Variants in CECR2 observed in about 807,000 individuals in gnomAD.
CECR2 encodes chromatin remodeling regulator CECR2.
CECR2 carries 30 observed loss-of-function variants against 154.5 expected under a neutral mutation model. The observed-to-expected ratio is 0.19, with a 90% confidence interval of 0.15 to 0.26. CECR2 has a LOEUF of 0.26. Among genes scored for constraint, CECR2 ranks in the 10% least tolerant of loss-of-function variants. The pLI is 1.00. For synonymous variants in CECR2, 725 were observed against 683.7 expected (o/e 1.06, Z -0.94); for missense variants, 1,743 against 1,829.3 (o/e 0.95, Z 0.86).
intron 2 of CECR2, among the ~76,000 whole-genome samples, chr22:17,481,308 A>G (rs1234132924): frequency 7.2e-6 from 1 of 139,346 alleles, no homozygotes; most frequent in Admixed American, 7.9e-5. Flanking sequence ...GTGTCATTGC[A>G]CTCCAGCCTG....
chr22:17,423,213 G>A (rs1342794770), intron 1 of CECR2, among the ~76,000 whole-genome samples: 1 of 152,084 alleles, frequency 6.6e-6, no homozygotes, highest in Admixed American at 6.6e-5. Context: ...ACCTGCCTCT[G>A]GATGGCGAAC....
At chr22:17,476,385 C>T (rs563702783) in intron 1 of CECR2, among the ~76,000 whole-genome samples, 3 of 152,054 alleles carry the variant, frequency 2.0e-5, no homozygotes, top group African/African-American at 7.2e-5. Flanking sequence ...GTGTCTCAGC[C>T]TTAGTAGCTG....
At position 17,558,039 on chromosome 22, in the gene CECR2, T is replaced by C. The variant is rs755333608; in HGVS notation, c.*5199T>C. 1.3e-5 allele frequency: 2 copies of C among 152,282 alleles called. No individual in the cohort carries two copies. The highest frequency in any genetic ancestry group is 4.8e-5 in the African/African-American group (2 of 41,480). 9.4% of individuals were successfully genotyped at this position (152,282 alleles called of 1,614,324 possible). A position where few individuals can be genotyped will look rare whatever the true frequency, so the allele number is the denominator to read the frequency against. The stretch of plus-strand genomic sequence containing the variant: ...TCAATAGTTAGTTCAATATTGTGTG[T>C]TGGATAATTTTTTAAAAGAACTTTT... On this transcript the variant is annotated 3_prime_UTR_variant, in exon 19 of 19. Transcript: ENST00000262608.
chr22:17,423,755 A>G (rs1170119541), intron 1 of CECR2, among the ~76,000 whole-genome samples: 1 of 152,100 alleles, frequency 6.6e-6, no homozygotes, highest in Non-Finnish European at 1.5e-5. Flanking sequence ...TTCTCTGGTC[A>G]GTTGTGATGC....
intron 1 of CECR2, among the ~76,000 whole-genome samples, chr22:17,378,145 G>A (rs1050942797): frequency 6.6e-6 from 1 of 151,126 alleles, no homozygotes; most frequent in African/African-American, 2.4e-5. Flanking sequence ...CACCACGCCC[G>A]GCTAATTTTT....
At chr22:17,372,073 T>C (rs2063068043) in intron 1 of CECR2, among the ~76,000 whole-genome samples, 2 of 152,216 alleles carry the variant, frequency 1.3e-5, no homozygotes, top group Admixed American at 6.5e-5. Flanking sequence ...TTGACTCCAG[T>C]GTTTCTTGGA....
chr22:17,454,055 T>G (rs1171283452), intron 1 of CECR2, among the ~76,000 whole-genome samples: 1 of 152,232 alleles, frequency 6.6e-6, no homozygotes, highest in Non-Finnish European at 1.5e-5. Context: ...AGTGCACCTC[T>G]GTCTTTTTTT....
intron 7 of CECR2, among the ~76,000 whole-genome samples, chr22:17,505,835 CTT>C (rs3994825): frequency 1.1e-4 from 9 of 84,550 alleles, no homozygotes; most frequent in Admixed American, 7.8e-4. Context: ...CTGCACCCGG[CTT>C]TTTTTTTTTT....
At chr22:17,496,716 G>A (rs777375063) in intron 2 of CECR2, among the ~76,000 whole-genome samples, 5 of 152,096 alleles carry the variant, frequency 3.3e-5, no homozygotes, top group Non-Finnish European at 7.4e-5. Context: ...CGCCACCTAA[G>A]TCATGAACCC....
In CECR2 at chr22:17,459,825, C is replaced by T. The variant is rs1325982778; in HGVS notation, c.127-17763C>T. Among the ~76,000 whole-genome samples the T allele has an allele frequency of 2.0e-5, 3 of 152,234 alleles. No homozygotes were observed. In the East Asian group the frequency reaches 5.8e-4, roughly 29 times the overall value. On this transcript the variant is annotated intron_variant, in intron 1 of 18. Coordinates refer to ENST00000262608, the MANE Select transcript of CECR2 (RefSeq NM_001290047.2). ...TCACATGGGTTTTCCAAATATGCAA[C>T]CTAAAGCAACTGTCTTGAAACAAAT... is the stretch of plus-strand genomic sequence containing the variant.
Position 17,445,543 on chromosome 22 carries a change from TTTATTATTATTA to T in CECR2, c.127-32006_127-31995del, listed in dbSNP as rs3994823. Among the ~76,000 whole-genome samples the T allele has an allele frequency of 3.8e-3, 531 of 141,456 alleles. 4 individuals carry two copies. The highest frequency in any genetic ancestry group is 0.011 in the Middle Eastern group (3 of 276). 92.8% of individuals were successfully genotyped at this position (141,456 alleles called of 152,430 possible). A position where few individuals can be genotyped will look rare whatever the true frequency, so the allele number is the denominator to read the frequency against. On this transcript the variant is annotated intron_variant, in intron 1 of 18. Coordinates refer to ENST00000262608, the MANE Select transcript of CECR2 (RefSeq NM_001290047.2). Reference sequence around the variant, plus strand: ...AACCTATGCACATTCTGCTCTATACTTTATTATTATTATTATTATTATTATTATTATTATTAT... The same window carrying T: ...AACCTATGCACATTCTGCTCTATACTTTATTATTATTATTATTATTATTAT...
intron 1 of CECR2, among the ~76,000 whole-genome samples, chr22:17,429,370 G>T (rs2146629849): frequency 6.6e-6 from 1 of 152,102 alleles, no homozygotes; most frequent in Non-Finnish European, 1.5e-5. Flanking sequence ...TAAGATAAAA[G>T]ACAGGAGGTG....
chr22:17,510,010 G>A (rs1253326611), intron 7 of CECR2, among the ~76,000 whole-genome samples: 1 of 152,202 alleles, frequency 6.6e-6, no homozygotes, highest in Non-Finnish European at 1.5e-5. Context: ...AAAAGGCGAT[G>A]TAGATACTGG....
Position 17,415,837 on chromosome 22 carries a change from CTG to C in CECR2, c.126+45930_126+45931del, listed in dbSNP as rs1316162008. 1.6e-4 allele frequency among the ~76,000 whole-genome samples: 25 copies of C among 152,270 alleles called. 1 individual carries two copies. The South Asian group carries it at 5.0e-3, about 30-fold the overall frequency. ...CAAATAATTTGAAACTTTTATCTCTCTGTTGTTTGTTCATCATCCCATCAATC... is the reference window on the plus strand; with the variant it reads ...CAAATAATTTGAAACTTTTATCTCTCTTGTTTGTTCATCATCCCATCAATC... On this transcript the variant is annotated intron_variant, in intron 1 of 18. Transcript: ENST00000262608.
Position 17,549,246 on chromosome 22 carries a change from G to C in CECR2, c.3959G>C (p.Gly1320Ala). Reference sequence around the variant, plus strand: ...TTGTCAGCCAGCGAGTATCTCTATGGAACTCCTCCGCCTCTGAGTTCAGGA... The same window carrying C: ...TTGTCAGCCAGCGAGTATCTCTATGCAACTCCTCCGCCTCTGAGTTCAGGA... ...SSLSASEYLYGTPPPLSSGMG... is the reference protein window; with the variant it reads ...SSLSASEYLYATPPPLSSGMG... The change falls in exon 17 of 19, where the codon GGA becomes GCA. Residue 1320 changes from glycine to alanine, a missense_variant. This residue lies in a region of CECR2 where 1,250 missense variants were observed against 1,192.1 expected (regional missense o/e 1.05). Coordinates refer to ENST00000262608, the MANE Select transcript of CECR2 (RefSeq NM_001290047.2). 6.2e-7 allele frequency: 1 copy of C among 1,613,996 alleles called. No homozygotes were observed. Among genetic ancestry groups the C allele is most frequent in the African/African-American group, 1.3e-5 (1 of 75,036 alleles).
At chr22:17,506,855 T>C (rs1417023691) in intron 7 of CECR2, among the ~76,000 whole-genome samples, 10 of 152,104 alleles carry the variant, frequency 6.6e-5, no homozygotes, top group Non-Finnish European at 1.5e-4. Context: ...GGGGTTTCGC[T>C]GTGTTGGCCA....
chr22:17,457,437 A>G (rs1285659810), intron 1 of CECR2, among the ~76,000 whole-genome samples: 1 of 152,222 alleles, frequency 6.6e-6, no homozygotes, highest in Non-Finnish European at 1.5e-5. Flanking sequence ...CAATTCATTC[A>G]TAATACCTTT....
rs182838221 is a variant in CECR2, at chr22:17,396,271, G to A, written c.126+26362G>A. On this transcript the variant is annotated intron_variant, in intron 1 of 18. Coordinates refer to ENST00000262608, the MANE Select transcript of CECR2 (RefSeq NM_001290047.2). The stretch of plus-strand genomic sequence containing the variant: ...AAAAAAAAAAAAAACAAGGCCAGGC[G>A]CTGTGGCTCACGCCTGTAATCCCAG... Among the ~76,000 whole-genome samples, 119 of 151,152 alleles carry A rather than the reference G, an allele frequency of 7.9e-4. 1 individual carries two copies. The highest frequency in any genetic ancestry group is 2.7e-3 in the African/African-American group (112 of 41,256).
At chr22:17,506,149 TA>T in intron 7 of CECR2, among the ~76,000 whole-genome samples, 1 of 151,834 alleles carries the variant, frequency 6.6e-6, no homozygotes, top group East Asian at 1.9e-4. Context: ...GCCCAGCTTT[TA>T]TTGCTTTAAG....
Sources: gnomAD v4.1 joint callset for allele counts (sites outside exome capture counted in the v4.1 genomes callset) on GRCh38, gnomAD v4.1.1 for gene constraint, gnomAD v4.1.1 regional missense constraint, MANE v1.5 for transcripts, NCBI Gene and HGNC (gene_info 2026-07-23, HGNC 2026-07-21) for gene names.